ABTB2: variants seen among roughly 807,000 people sequenced by gnomAD.
ABTB2 encodes ankyrin repeat and BTB/POZ domain-containing protein 2.
ABTB2 carries 56 observed loss-of-function variants against 104.1 expected under a neutral mutation model. The ratio of observed to expected loss-of-function variants is 0.54; its 90% confidence interval spans 0.43 to 0.67. The LOEUF (loss-of-function observed/expected upper bound fraction) is 0.67. Ranked by LOEUF, ABTB2 falls within the 30% of genes least tolerant of loss-of-function variation. ABTB2 has a pLI of 0.00. For missense variants in ABTB2, 1,279 were observed against 1,407.7 expected, an observed-to-expected ratio of 0.91 and a Z score of 1.46; for synonymous variants, 606 against 608.2, an observed-to-expected ratio of 1.00 and a Z score of 0.05.
chr11:34,224,873 G>A lies in ABTB2; in HGVS notation c.884-20183C>T, dbSNP rs74488595. Among the ~76,000 whole-genome samples, 47 of 152,220 alleles carry A rather than the reference G, an allele frequency of 3.1e-4. No homozygotes were observed. The East Asian group carries it at 5.6e-3, about 18-fold the overall frequency. On this transcript the variant is annotated intron_variant, in intron 1 of 16. Coordinates refer to ENST00000435224, the MANE Select transcript of ABTB2 (RefSeq NM_145804.3). ...TGAGATAGTGGTAATCTTTTTTAACGAGGCTTTTGGCTAAGGAAGGGCAAA... is the reference window on the plus strand; with the variant it reads ...TGAGATAGTGGTAATCTTTTTTAACAAGGCTTTTGGCTAAGGAAGGGCAAA...
chr11:34,344,742 C>T (rs1047119187), intron 1 of ABTB2, among the ~76,000 whole-genome samples: 1 of 152,210 alleles, frequency 6.6e-6, no homozygotes, highest in Non-Finnish European at 1.5e-5. Context: ...AAGCCATCCA[C>T]CTGCCTCAGC....
At chr11:34,195,421 C>T (rs1853243223) in intron 3 of ABTB2, among the ~76,000 whole-genome samples, 2 of 152,250 alleles carry the variant, frequency 1.3e-5, no homozygotes, top group Non-Finnish European at 2.9e-5. Context: ...CCCAGGGCTC[C>T]ACCTGCAGCC....
At chr11:34,316,650 C>T (rs1432228386) in intron 1 of ABTB2, among the ~76,000 whole-genome samples, 1 of 152,052 alleles carries the variant, frequency 6.6e-6, no homozygotes, top group Non-Finnish European at 1.5e-5. Context: ...CTGCTGAAGC[C>T]CAGCTTTAAG....
chr11:34,223,071 C>T (rs79982244), intron 1 of ABTB2, among the ~76,000 whole-genome samples: 6,114 of 152,264 alleles, frequency 0.04, 152 homozygotes, highest in South Asian at 0.074. Flanking sequence ...CAAACTCCTA[C>T]TTACAGTCTC....
rs778839324 is a variant in ABTB2, at chr11:34,154,692, G to A, written c.2766+9C>T. 1.1e-5 allele frequency: 18 copies of A among 1,613,896 alleles called. No homozygotes were observed. Among genetic ancestry groups the A allele is most frequent in the Admixed American group, 1.7e-5 (1 of 60,022 alleles). ...AGCCCAGGCCCCCTCCCCCTCTCCC[G>A]AGTCTCACCTCCAGGATGTCAGTGG... On this transcript the variant is annotated intron_variant, in intron 15 of 16. Coordinates refer to ENST00000435224, the MANE Select transcript of ABTB2 (RefSeq NM_145804.3). The surrounding 1 kb of genome is among the most constrained non-coding windows in gnomAD (Gnocchi z 4.9).
chr11:34,268,768 C>T (rs537942800), intron 1 of ABTB2, among the ~76,000 whole-genome samples: 2 of 151,618 alleles, frequency 1.3e-5, no homozygotes, highest in East Asian at 1.9e-4. Flanking sequence ...TTTCCGTTGC[C>T]TCCTCCCAGC....
rs1261988843 is a variant in ABTB2, at chr11:34,356,851, T to C, written c.733A>G (p.Arg245Gly). 2 of 1,605,304 alleles carry C rather than the reference T, an allele frequency of 1.2e-6. No individual in the cohort carries two copies. The highest frequency in any genetic ancestry group is 2.2e-5 in the East Asian group (1 of 44,532). The change falls in exon 1 of 17, where the codon AGG becomes GGG. Residue 245 changes from arginine to glycine, a missense_variant. Arg to Gly is a moderately radical substitution (Grantham distance 125). Transcript: ENST00000435224. This position sits in a 1 kb window ranked among gnomAD's most constrained non-coding sequence, Gnocchi z 4.6. ...TCAGGGCTGTGGCTGGCCATCACCC[T>C]GGCCCGGATCTCCTCCACCAGGTTC... ...MENLVEEIRA[R>G]VMASHSPDGG...
At chr11:34,266,546 A>G (rs953563300) in intron 1 of ABTB2, among the ~76,000 whole-genome samples, 4 of 152,176 alleles carry the variant, frequency 2.6e-5, no homozygotes, top group African/African-American at 9.7e-5. Flanking sequence ...TTCTGAGCAA[A>G]GGCCTTAATT....
In ABTB2 at chr11:34,356,836, G is replaced by T. The variant is rs775243624; in HGVS notation, c.748C>A (p.His250Asn). 1 of 1,605,816 alleles carries T rather than the reference G, an allele frequency of 6.2e-7. No homozygotes were observed. The highest frequency in any genetic ancestry group is 1.1e-5 in the South Asian group (1 of 89,638). Residue 250 changes from histidine (H) to asparagine (N), a missense_variant, in exon 1 of 17, where the codon CAC becomes AAC. Transcript: ENST00000435224. The surrounding 1 kb of genome is among the most constrained non-coding windows in gnomAD (Gnocchi z 4.6). ...CCGGCCCCTCCGCCATCAGGGCTGTGGCTGGCCATCACCCTGGCCCGGATC... is the reference window on the plus strand; with the variant it reads ...CCGGCCCCTCCGCCATCAGGGCTGTTGCTGGCCATCACCCTGGCCCGGATC... ...EEIRARVMAS[H>N]SPDGGGAGGG...
intron 2 of ABTB2, 90 bp downstream of exon 2, chr11:34,204,453 AG>A: frequency 7.1e-7 from 1 of 1,412,954 alleles, no homozygotes. Context: ...GAGCACTTGG[AG>A]GAGGAGGAGG....
intron 1 of ABTB2, among the ~76,000 whole-genome samples, chr11:34,323,906 C>CTTTTTTTTTT (rs56375939): frequency 1.6e-5 from 1 of 63,922 alleles, no homozygotes; most frequent in Non-Finnish European, 2.7e-5. Flanking sequence ...TAAATTCCCT[C>CTTTTTTTTTT]TTTTTTTTTT....
chr11:34,197,665 T>C (rs1853279335), intron 2 of ABTB2, 127 bp from the exon 3 acceptor site: 2 of 681,302 alleles, frequency 2.9e-6, no homozygotes, highest in South Asian at 1.9e-5. Context: ...ATAATTACTG[T>C]TTGCCCTGCA....
intron 1 of ABTB2, among the ~76,000 whole-genome samples, chr11:34,244,773 C>T (rs542330794): frequency 3.9e-5 from 6 of 152,126 alleles, no homozygotes; most frequent in African/African-American, 1.2e-4. Flanking sequence ...TTTGGGAGAC[C>T]GAGGAGGGTG....
intron 1 of ABTB2, chr11:34,335,532 C>T (rs569814724): frequency 7.7e-5 from 93 of 1,202,684 alleles, no homozygotes; most frequent in East Asian, 4.9e-4. Flanking sequence ...AAAATCTTTT[C>T]GCCACAATTC....
At chr11:34,182,012 T>C (rs963909860) in intron 3 of ABTB2, among the ~76,000 whole-genome samples, 2 of 152,200 alleles carry the variant, frequency 1.3e-5, no homozygotes, top group Non-Finnish European at 2.9e-5. Context: ...CCCTGTCTTG[T>C]CTGGGCTGGG....
intron 1 of ABTB2, among the ~76,000 whole-genome samples, chr11:34,212,641 C>T (rs966136222): frequency 1.3e-5 from 2 of 152,144 alleles, no homozygotes; most frequent in South Asian, 2.1e-4. Context: ...GAGGAGAACA[C>T]GAGGCTCTCC....
intron 1 of ABTB2, among the ~76,000 whole-genome samples, chr11:34,310,454 C>T (rs1043774593): frequency 2.0e-5 from 3 of 152,132 alleles, no homozygotes; most frequent in African/African-American, 7.2e-5. Flanking sequence ...CTCACGTCCC[C>T]AAGCTTGCCT....
chr11:34,326,646 G>A (rs1855074306), intron 1 of ABTB2, among the ~76,000 whole-genome samples: 2 of 140,018 alleles, frequency 1.4e-5, no homozygotes, highest in African/African-American at 2.7e-5. Flanking sequence ...AAAAAAAAAA[G>A]TTTAAATAAT....
chr11:34,253,731 A>G (rs1854084805), intron 1 of ABTB2, among the ~76,000 whole-genome samples: 1 of 152,004 alleles, frequency 6.6e-6, no homozygotes, highest in Non-Finnish European at 1.5e-5. Context: ...CCACAGAGGA[A>G]GCAAAATGTC....
Sources: gnomAD v4.1 joint callset for allele counts (sites outside exome capture counted in the v4.1 genomes callset) on GRCh38, gnomAD v4.1.1 for gene constraint, Gnocchi (gnomAD v3.1) non-coding constraint, MANE v1.5 for transcripts, NCBI Gene and HGNC (gene_info 2026-07-23, HGNC 2026-07-21) for gene names.